The following EDA variants were observed in gnomAD, a reference collection of about 807,000 sequenced individuals.
EDA encodes ectodysplasin-A.
Under a neutral mutation model 23.6 loss-of-function variants are expected in EDA, and 2 were observed. The ratio of observed to expected loss-of-function variants is 0.08; its 90% CI spans 0.03 to 0.27. The LOEUF is 0.27. Among genes scored for constraint, EDA ranks in the 10% least tolerant of loss-of-function variants. EDA has a pLI of 1.00. For synonymous variants in EDA, 131 were observed against 132.0 expected, an observed-to-expected ratio of 0.99 and a Z score of 0.05; for missense variants, 229 against 324.2, an observed-to-expected ratio of 0.71 and a Z score of 2.26.
In EDA at chrX:69,616,253, G is replaced by T. The variant is rs763226707; in HGVS notation, c.-56G>T. On this transcript the variant is annotated 5_prime_UTR_variant, in exon 1 of 8. Transcript: ENST00000374552. ...AGCCGCCTGTCAGAGGTCGTGAACG[G>T]CTGAGGCAGACGCAGCGGCTCCCGG... 3.1e-3 allele frequency: 3,592 copies of T among 1,146,284 alleles called. 4 individuals are homozygous for T. Among genetic ancestry groups the T allele is most frequent in the South Asian group, 6.8e-3 (354 of 52,191 alleles). The allele number at this position is 1,146,284 out of a possible 1,213,427, so 94.5% of individuals were successfully genotyped here.
At chrX:69,712,169 T>C (rs1460287184) in intron 1 of EDA, among the ~76,000 whole-genome samples, 3 of 111,407 alleles carry the variant, frequency 2.7e-5, no homozygotes, top group Non-Finnish European at 5.7e-5. Context: ...GCTTTGAATG[T>C]GTCCCAGAGA....
At chrX:70,004,289 G>A (rs1270206618) in intron 2 of EDA, among the ~76,000 whole-genome samples, 1 of 112,106 alleles carries the variant, frequency 8.9e-6, no homozygotes, top group African/African-American at 3.2e-5. Context: ...TGCTGCAAGG[G>A]CTAGAGAGGA....
At chrX:69,684,378 T>C (rs1415415534) in intron 1 of EDA, among the ~76,000 whole-genome samples, 1 of 111,479 alleles carries the variant, frequency 9.0e-6, no homozygotes, top group Admixed American at 9.6e-5. Flanking sequence ...ATCAACATGT[T>C]ATAATATAGC....
Position 69,892,682 on chromosome X carries a change from A to G in EDA, c.397-64345A>G, listed in dbSNP as rs749412783. On this transcript the variant is annotated intron_variant, in intron 1 of 7. Coordinates refer to ENST00000374552, the MANE Select transcript of EDA (RefSeq NM_001399.5). ...TAAAATTAGTTTCCCCTATTTTTTAAAGGAAATAATTTCAAATAAAAGGTT... is the reference window on the plus strand; with the variant it reads ...TAAAATTAGTTTCCCCTATTTTTTAGAGGAAATAATTTCAAATAAAAGGTT... Among the ~76,000 whole-genome samples, 49 of 112,169 alleles carry G rather than the reference A, an allele frequency of 4.4e-4. 1 individual carries two copies. Among genetic ancestry groups the G allele is most frequent in the African/African-American group, 1.5e-3 (46 of 30,928 alleles).
Position 69,888,978 on chromosome X carries a change from T to TAGATATATA in EDA, c.397-68049_397-68048insAGATATATA, listed in dbSNP as rs1556026049. ...GTGGAATTGTTGTATTGTGGGGTAGTTATATATATATATATATATATATAT... is the reference window on the plus strand; with the variant it reads ...GTGGAATTGTTGTATTGTGGGGTAGTAGATATATATATATATATATATATATATATATAT... On this transcript the variant is annotated intron_variant, in intron 1 of 7. Transcript: ENST00000374552. Among the ~76,000 whole-genome samples, 39 of 16,011 alleles carry TAGATATATA rather than the reference T, an allele frequency of 2.4e-3. 2 individuals carry two copies. Among genetic ancestry groups the TAGATATATA allele is most frequent in the East Asian group, 6.5e-3 (2 of 307 alleles). The allele number at this position is 16,011 out of a possible 115,157, so 13.9% of individuals were successfully genotyped here.
intron 2 of EDA, among the ~76,000 whole-genome samples, chrX:70,003,408 T>C (rs2019764113): frequency 8.9e-6 from 1 of 112,183 alleles, no homozygotes; most frequent in Admixed American, 9.5e-5. Context: ...ATTGAGTGCC[T>C]ATATGTGCTA....
chrX:69,748,066 G>A (rs1171931537), intron 1 of EDA, among the ~76,000 whole-genome samples: 1 of 111,726 alleles, frequency 9.0e-6, no homozygotes, highest in African/African-American at 3.3e-5. Context: ...GGTCCCTGGA[G>A]GAGACTGAAG....
At chrX:69,792,248 C>T (rs1253680769) in intron 1 of EDA, among the ~76,000 whole-genome samples, 2 of 111,955 alleles carry the variant, frequency 1.8e-5, no homozygotes, top group East Asian at 5.6e-4. Flanking sequence ...AATTACTTCA[C>T]TTAGAATAAT....
intron 1 of EDA, among the ~76,000 whole-genome samples, chrX:69,736,834 C>A (rs367618342): frequency 2.9e-5 from 3 of 103,970 alleles, no homozygotes; most frequent in Non-Finnish European, 3.9e-5. Context: ...TACAGTGGCG[C>A]GATCTTGGCT....
At chrX:69,804,564 T>C (rs890959507) in intron 1 of EDA, among the ~76,000 whole-genome samples, 22 of 110,589 alleles carry the variant, frequency 2.0e-4, no homozygotes, top group African/African-American at 7.2e-4. Flanking sequence ...TTAGGTTACA[T>C]ATAACAAAGA....
chrX:69,888,977 GTTATATATATATATAT>G (rs1454943430), intron 1 of EDA, among the ~76,000 whole-genome samples: 10 of 13,239 alleles, frequency 7.6e-4, no homozygotes, highest in East Asian at 5.2e-3. Flanking sequence ...TTGTGGGGTA[GTTATATATATATATAT>G]ATATATATAT....
intron 1 of EDA, among the ~76,000 whole-genome samples, chrX:69,677,979 A>G (rs1284412944): frequency 9.0e-6 from 1 of 111,206 alleles, no homozygotes; most frequent in African/African-American, 3.3e-5. Context: ...TCTTTAATCC[A>G]TCTTGAATTG....
At chrX:69,681,570 T>C in intron 1 of EDA, among the ~76,000 whole-genome samples, 1 of 111,579 alleles carries the variant, frequency 9.0e-6, no homozygotes, top group Non-Finnish European at 1.9e-5. Context: ...ATTTCATTCA[T>C]TTCATCTTCC....
At chrX:69,780,195 A>G (rs1386114287) in intron 1 of EDA, among the ~76,000 whole-genome samples, 1 of 111,522 alleles carries the variant, frequency 9.0e-6, no homozygotes, top group Non-Finnish European at 1.9e-5. Flanking sequence ...AATAAAACAT[A>G]TACAGATGAA....
At chrX:69,675,266 C>T (rs1033871451) in intron 1 of EDA, among the ~76,000 whole-genome samples, 1 of 112,296 alleles carries the variant, frequency 8.9e-6, no homozygotes, top group East Asian at 2.8e-4. Flanking sequence ...TAGGCATGAG[C>T]CTCCATGCCT....
At chrX:69,671,815 A>G (rs1360678177) in intron 1 of EDA, among the ~76,000 whole-genome samples, 1 of 112,256 alleles carries the variant, frequency 8.9e-6, no homozygotes, top group Non-Finnish European at 1.9e-5. Flanking sequence ...TGTGTGGTAG[A>G]CAAAACAGTA....
intron 1 of EDA, among the ~76,000 whole-genome samples, chrX:69,677,427 T>C (rs1489281631): frequency 9.0e-6 from 1 of 111,626 alleles, no homozygotes; most frequent in Non-Finnish European, 1.9e-5. Context: ...ATGGTTGAAC[T>C]AGTTTGCAGT....
chrX:69,618,223 T>C (rs911621180), intron 1 of EDA, among the ~76,000 whole-genome samples: 2 of 112,087 alleles, frequency 1.8e-5, no homozygotes, highest in Admixed American at 9.4e-5. Context: ...GCCAATACTT[T>C]TTGGCATTCA....
At chrX:69,617,067 C>T in intron 1 of EDA, 1 of 372,244 alleles carries the variant, frequency 2.7e-6, no homozygotes, top group Non-Finnish European at 4.8e-6. Flanking sequence ...GCCCGCGGTG[C>T]TTGTTTTTTC....
Sources: allele counts gnomAD v4.1 joint callset (sites outside exome capture counted in the v4.1 genomes callset), GRCh38; gene constraint gnomAD v4.1.1; transcripts MANE v1.5; gene names NCBI Gene and HGNC (gene_info 2026-07-23, HGNC 2026-07-21).